MARCHF11: variants seen among roughly 807,000 people sequenced by gnomAD.
MARCHF11 encodes membrane associated ring-CH-type finger 11, also known as E3 ubiquitin-protein ligase MARCHF11.
A neutral mutation model predicts 37.3 loss-of-function variants in MARCHF11; 29 were observed. The observed-to-expected ratio is 0.78, with a 90% confidence interval of 0.58 to 1.06. MARCHF11 has a LOEUF of 1.06. Ranked by LOEUF, MARCHF11 falls within the 50% of genes least tolerant of loss-of-function variation. The pLI is 0.00. For synonymous variants in MARCHF11, 233 were observed against 228.0 expected, an observed-to-expected ratio of 1.02 and a Z score of -0.20; for missense variants, 482 against 533.4, an observed-to-expected ratio of 0.90 and a Z score of 0.95.
At chr5:16,108,734 G>T (rs1737088098) in intron 2 of MARCHF11, among the ~76,000 whole-genome samples, 1 of 152,186 alleles carries the variant, frequency 6.6e-6, no homozygotes, top group Non-Finnish European at 1.5e-5. Flanking sequence ...CCAGGCGGGT[G>T]GGAGAGTGGA....
chr5:16,105,230 C>T (rs530216822), intron 2 of MARCHF11, among the ~76,000 whole-genome samples: 1 of 152,322 alleles, frequency 6.6e-6, no homozygotes, highest in East Asian at 1.9e-4. Context: ...ATTCTTTCCA[C>T]TGACATAAAG....
At chr5:16,177,497 A>C (rs1379314141) in intron 2 of MARCHF11, among the ~76,000 whole-genome samples, 1 of 152,236 alleles carries the variant, frequency 6.6e-6, no homozygotes, top group Admixed American at 6.5e-5. Context: ...TCAATAAGTA[A>C]AAAATTAATA....
chr5:16,121,822 C>T (rs1488562244), intron 2 of MARCHF11, among the ~76,000 whole-genome samples: 1 of 152,180 alleles, frequency 6.6e-6, no homozygotes, highest in Non-Finnish European at 1.5e-5. Flanking sequence ...TGTATCTTCA[C>T]CACTCCATCA....
intron 3 of MARCHF11, among the ~76,000 whole-genome samples, chr5:16,071,514 T>TA (rs1181022061): frequency 6.6e-6 from 1 of 152,180 alleles, no homozygotes; most frequent in African/African-American, 2.4e-5. Flanking sequence ...TTAAGCAAAA[T>TA]AAAATCAAAA....
chr5:16,115,367 G>A (rs964582849), intron 2 of MARCHF11, among the ~76,000 whole-genome samples: 2 of 152,170 alleles, frequency 1.3e-5, no homozygotes, highest in East Asian at 3.9e-4. Flanking sequence ...GAGGACGACT[G>A]TCAAGTGAGC....
At chr5:16,109,225 T>C (rs1190565111) in intron 2 of MARCHF11, among the ~76,000 whole-genome samples, 2 of 151,868 alleles carry the variant, frequency 1.3e-5, no homozygotes, top group East Asian at 3.9e-4. Context: ...TGTACACTAA[T>C]AAGATGACTG....
intron 3 of MARCHF11, among the ~76,000 whole-genome samples, chr5:16,087,304 C>T (rs1736715819): frequency 6.6e-6 from 1 of 152,200 alleles, no homozygotes; most frequent in Non-Finnish European, 1.5e-5. Flanking sequence ...TAACTCTTGG[C>T]AATCACACAT....
At chr5:16,104,233 G>A (rs181100327) in intron 2 of MARCHF11, among the ~76,000 whole-genome samples, 6 of 152,006 alleles carry the variant, frequency 3.9e-5, no homozygotes, top group East Asian at 3.9e-4. Flanking sequence ...TACTCACTTC[G>A]TTTCATTATT....
chr5:16,083,192 A>G (rs1326595071), intron 3 of MARCHF11, among the ~76,000 whole-genome samples: 1 of 152,178 alleles, frequency 6.6e-6, no homozygotes, highest in East Asian at 1.9e-4. Flanking sequence ...TGTGGTCTCC[A>G]CTTCCCGTAG....
intron 2 of MARCHF11, among the ~76,000 whole-genome samples, chr5:16,140,673 T>C (rs1737687833): frequency 6.6e-6 from 1 of 152,178 alleles, no homozygotes; most frequent in Non-Finnish European, 1.5e-5. Context: ...AACCACAAAC[T>C]TCCCTTACGT....
intron 2 of MARCHF11, among the ~76,000 whole-genome samples, chr5:16,143,972 A>G (rs1326828926): frequency 1.3e-5 from 2 of 152,138 alleles, no homozygotes; most frequent in Non-Finnish European, 1.5e-5. Flanking sequence ...GATGATGCTC[A>G]CTCCATCTGT....
intron 3 of MARCHF11, among the ~76,000 whole-genome samples, chr5:16,086,579 T>C (rs1736702193): frequency 6.6e-6 from 1 of 152,192 alleles, no homozygotes; most frequent in African/African-American, 2.4e-5. Flanking sequence ...TTAGAGCTGG[T>C]ACAAGCACTA....
At chr5:16,174,759 G>T (rs1238585333) in intron 2 of MARCHF11, among the ~76,000 whole-genome samples, 2 of 152,162 alleles carry the variant, frequency 1.3e-5, no homozygotes, top group African/African-American at 4.8e-5. Context: ...GACTTTATGA[G>T]GACCAAATGC....
At chr5:16,108,175 G>A (rs1393862555) in intron 2 of MARCHF11, among the ~76,000 whole-genome samples, 1 of 152,176 alleles carries the variant, frequency 6.6e-6, no homozygotes, top group African/African-American at 2.4e-5. Flanking sequence ...GGGAGTCACA[G>A]GCACCCACCC....
intron 2 of MARCHF11, among the ~76,000 whole-genome samples, chr5:16,112,244 T>C (rs1174026068): frequency 6.6e-6 from 1 of 152,122 alleles, no homozygotes; most frequent in Non-Finnish European, 1.5e-5. Flanking sequence ...GCTTGCACTG[T>C]GTACCTGAAA....
intron 2 of MARCHF11, among the ~76,000 whole-genome samples, chr5:16,098,374 T>G (rs1363111883): frequency 1.3e-5 from 2 of 152,178 alleles, no homozygotes; most frequent in Non-Finnish European, 2.9e-5. Flanking sequence ...TTTAAAACTG[T>G]CTCTCTTTTT....
rs1025899671 is a variant in MARCHF11, at chr5:16,179,467, C to T, written c.109G>A (p.Gly37Arg). 23 of 1,128,502 alleles carry T rather than the reference C, an allele frequency of 2.0e-5. No homozygotes were observed. The East Asian group carries it at 5.6e-4, about 28-fold the overall frequency. The allele number at this position is 1,128,502 out of a possible 1,614,324, so 69.9% of individuals were successfully genotyped here. The stretch of plus-strand genomic sequence containing the variant: ...GCCGCGGGGACCGGGGCCGGCTCTC[C>T]CGGCGGCGGCGTCGGCGGCGGCGGC... ...PPPPPPTPPP[G>R]EPAPVPAAPR... is the part of the protein sequence containing the mutation. Residue 37 changes from glycine (G) to arginine (R), a missense_variant, in exon 1 of 4, where the codon GGA (glycine) becomes AGA (arginine). Transcript: ENST00000332432.
chr5:16,163,017 T>C (rs1364151583), intron 2 of MARCHF11, among the ~76,000 whole-genome samples: 3 of 152,174 alleles, frequency 2.0e-5, no homozygotes, highest in East Asian at 1.9e-4. Flanking sequence ...CCAAAGTCCA[T>C]GCTTTTTTTA....
At chr5:16,161,544 A>C (rs2126604656) in intron 2 of MARCHF11, among the ~76,000 whole-genome samples, 1 of 152,086 alleles carries the variant, frequency 6.6e-6, no homozygotes, top group South Asian at 2.1e-4. Context: ...TATTGTTAAA[A>C]GTTTTGCAGA....
Sources: gnomAD v4.1 joint callset for allele counts (sites outside exome capture counted in the v4.1 genomes callset) on GRCh38, gnomAD v4.1.1 for gene constraint, MANE v1.5 for transcripts, NCBI Gene and HGNC (gene_info 2026-07-23, HGNC 2026-07-21) for gene names.